NECAP1: variants seen among roughly 807,000 people sequenced by gnomAD.
The protein encoded by NECAP1 is adaptin ear-binding coat-associated protein 1.
A neutral mutation model predicts 33.4 loss-of-function variants in NECAP1; 13 were observed. The observed-to-expected ratio is 0.39, with a 90% CI of 0.25 to 0.62. The LOEUF (loss-of-function observed/expected upper bound fraction) is 0.62, where lower values mean the gene tolerates loss of function less well. Among genes scored for constraint, NECAP1 ranks in the 20% least tolerant of loss-of-function variants. The pLI, the probability that NECAP1 is intolerant of heterozygous loss-of-function variation, is 0.52. For synonymous variants in NECAP1, 109 were observed against 125.2 expected (o/e 0.87, Z 0.86); for missense variants, 272 against 347.4 (o/e 0.78, Z 1.73).
At chr12:8,089,878 G>A in intron 1 of NECAP1, 58 bp from the exon 2 acceptor site, 1 of 1,214,530 alleles carries the variant, frequency 8.2e-7, no homozygotes. Flanking sequence ...CAAAGATTGT[G>A]GGTGGGCGTT....
intron 1 of NECAP1, among the ~76,000 whole-genome samples, chr12:8,085,012 C>G (rs978185768): frequency 6.6e-6 from 1 of 151,750 alleles, no homozygotes; most frequent in Non-Finnish European, 1.5e-5. Context: ...GGATTATATT[C>G]TTTTTCTTGA....
rs1024914650 is a variant in NECAP1 at position 8,087,460 on chromosome 12, T to C, written c.96-2476T>C. Among the ~76,000 whole-genome samples the C allele has an allele frequency of 3.3e-5, 5 of 150,938 alleles. No individual in the cohort carries two copies. The East Asian group carries it at 9.7e-4, about 29-fold the overall frequency. On this transcript the variant is annotated intron_variant, in intron 1 of 7. Coordinates refer to ENST00000339754, the MANE Select transcript of NECAP1 (RefSeq NM_015509.4). ...ACAGAATTTGTTAAGTATCGGACAC[T>C]AGATACACAAGAGAAATAAGGAACT...
At chr12:8,088,294 C>G (rs1011337251) in intron 1 of NECAP1, among the ~76,000 whole-genome samples, 1 of 152,096 alleles carries the variant, frequency 6.6e-6, no homozygotes, top group Non-Finnish European at 1.5e-5. Flanking sequence ...AAACTGAATC[C>G]CTGATCCTTC....
chr12:8,092,059 A>C, intron 4 of NECAP1: 1 of 555,960 alleles, frequency 1.8e-6, no homozygotes, highest in East Asian at 3.1e-5. Flanking sequence ...TATATTTCAG[A>C]TCCCTTGTGC....
chr12:8,095,828 C>A, intron 7 of NECAP1, 125 bp downstream of exon 7: 1 of 1,155,786 alleles, frequency 8.7e-7, no homozygotes, highest in Non-Finnish European at 1.3e-6. Context: ...TGGAAGAGTT[C>A]TAGTGAAGGA....
rs1257728795 is a variant in NECAP1 at position 8,097,397 on chromosome 12, C to G, written c.*1307C>G. The G allele has an allele frequency of 6.6e-6, 1 of 152,650 alleles. No homozygotes were observed. Among genetic ancestry groups the G allele is most frequent in the Non-Finnish European group, 1.5e-5 (1 of 68,044 alleles). 9.5% of individuals were successfully genotyped at this position (152,650 alleles called of 1,614,324 possible). ...TTTGCACCTATTGGGTATGTACACTCTGGCCGAAGGGAGTCCTTATGTTTA... is the reference window on the plus strand; with the variant it reads ...TTTGCACCTATTGGGTATGTACACTGTGGCCGAAGGGAGTCCTTATGTTTA... On this transcript the variant is annotated 3_prime_UTR_variant, in exon 8 of 8. Coordinates refer to ENST00000339754, the MANE Select transcript of NECAP1 (RefSeq NM_015509.4).
chr12:8,084,234 C>T (rs1439304285), intron 1 of NECAP1, among the ~76,000 whole-genome samples: 2 of 152,058 alleles, frequency 1.3e-5, no homozygotes, highest in East Asian at 1.9e-4. Context: ...TGGGTTGCAC[C>T]TTTGGCAAAG....
chr12:8,087,942 T>C (rs1947506920), intron 1 of NECAP1, among the ~76,000 whole-genome samples: 1 of 152,196 alleles, frequency 6.6e-6, no homozygotes, highest in East Asian at 1.9e-4. Context: ...TCTCATCTTG[T>C]TAAACTCATT....
intron 1 of NECAP1, 71 bp downstream of exon 1, chr12:8,082,454 G>T: frequency 7.2e-7 from 1 of 1,397,520 alleles, no homozygotes; most frequent in South Asian, 1.2e-5. Context: ...CAGCTAGCAC[G>T]CTGTCCGTCC....
intron 6 of NECAP1, chr12:8,093,341 G>T: frequency 5.2e-6 from 2 of 384,858 alleles, no homozygotes; most frequent in Non-Finnish European, 9.2e-6. Context: ...CCAAGATTTT[G>T]GTCATGGCTC....
intron 1 of NECAP1, chr12:8,082,677 A>G (rs1160572397): frequency 2.7e-6 from 1 of 368,974 alleles, no homozygotes; most frequent in Non-Finnish European, 5.1e-6. Context: ...CCCATCATGC[A>G]CTTTCAGTCG....
At chr12:8,083,421 C>CTTTTTTTTTTTTTTTTTTTTTTTTTTT (rs71042328) in intron 1 of NECAP1, among the ~76,000 whole-genome samples, 1 of 65,840 alleles carries the variant, frequency 1.5e-5, no homozygotes. Flanking sequence ...TTTGTTTGTT[C>CTTTTTTTTTTTTTTTTTTTTTTTTTTT]TTTTTTTTTT....
At chr12:8,089,427 G>C (rs1033524205) in intron 1 of NECAP1, 1 of 153,330 alleles carries the variant, frequency 6.5e-6, no homozygotes, top group East Asian at 1.9e-4. Flanking sequence ...GCTGGAGAGC[G>C]GTGGCGCAGT....
intron 1 of NECAP1, chr12:8,082,764 T>C: frequency 8.5e-6 from 1 of 117,048 alleles, no homozygotes; most frequent in Admixed American, 8.9e-5. Context: ...CCTTTCTCTC[T>C]CTCTCTCTCT....
intron 1 of NECAP1, among the ~76,000 whole-genome samples, chr12:8,087,276 A>G (rs1369905677): frequency 6.6e-6 from 1 of 151,622 alleles, no homozygotes; most frequent in African/African-American, 2.4e-5. Context: ...ATATATATAT[A>G]AAGTTTTATT....
chr12:8,085,686 C>CTTTTTTTTTTT (rs554942626), intron 1 of NECAP1, among the ~76,000 whole-genome samples: 5 of 104,812 alleles, frequency 4.8e-5, no homozygotes, highest in African/African-American at 1.7e-4. Context: ...ACTTAATCTT[C>CTTTTTTTTTTT]TTTTTTTTTT....
At chr12:8,088,234 A>T (rs1352414627) in intron 1 of NECAP1, among the ~76,000 whole-genome samples, 1 of 152,050 alleles carries the variant, frequency 6.6e-6, no homozygotes, top group Non-Finnish European at 1.5e-5. Flanking sequence ...TTTACTGCCT[A>T]CTCTACATCT....
intron 1 of NECAP1, among the ~76,000 whole-genome samples, chr12:8,084,384 C>G (rs1270815634): frequency 3.3e-5 from 5 of 152,148 alleles, no homozygotes; most frequent in Admixed American, 3.3e-4. Context: ...CCCTATGTGA[C>G]CCTTCCATTC....
chr12:8,083,225 A>G (rs1258382181), intron 1 of NECAP1, among the ~76,000 whole-genome samples: 2 of 151,848 alleles, frequency 1.3e-5, no homozygotes, highest in Non-Finnish European at 2.9e-5. Context: ...TTCATGTTAA[A>G]CCATATGAGT....
Sources: allele counts gnomAD v4.1 joint callset (sites outside exome capture counted in the v4.1 genomes callset), GRCh38; gene constraint gnomAD v4.1.1; transcripts MANE v1.5; gene names NCBI Gene and HGNC (gene_info 2026-07-23, HGNC 2026-07-21).